RAB3C: variants seen among roughly 807,000 people sequenced by gnomAD.
RAB3C encodes the protein ras-related protein Rab-3C.
In RAB3C, 17 loss-of-function variants were observed where a neutral mutation model predicts 26.4. The observed-to-expected ratio is 0.64, with a 90% CI of 0.44 to 0.97. The LOEUF (loss-of-function observed/expected upper bound fraction) is 0.97, where lower values mean the gene tolerates loss of function less well. Among genes scored for constraint, RAB3C ranks in the 50% least tolerant of loss-of-function variants. The pLI is 0.00. For synonymous variants in RAB3C, 91 were observed against 95.9 expected (o/e 0.95, Z 0.30); for missense variants, 242 against 281.9 (o/e 0.86, Z 1.01).
chr5:58,630,809 A>G (rs1747172224), intron 2 of RAB3C, among the ~76,000 whole-genome samples: 1 of 152,240 alleles, frequency 6.6e-6, no homozygotes, highest in African/African-American at 2.4e-5. Flanking sequence ...CATATAAATC[A>G]TTAATAATAT....
intron 3 of RAB3C, among the ~76,000 whole-genome samples, chr5:58,766,659 T>C (rs1741913107): frequency 6.6e-6 from 1 of 152,110 alleles, no homozygotes; most frequent in African/African-American, 2.4e-5. Flanking sequence ...ATGACTATGT[T>C]AGTGAAGCTC....
chr5:58,597,738 C>T (rs115028177), intron 1 of RAB3C, among the ~76,000 whole-genome samples: 16,062 of 43,628 alleles, frequency 0.37, 3,460 homozygotes, highest in Middle Eastern at 0.44. Flanking sequence ...AAGTATATAA[C>T]ATATAATACA....
intron 3 of RAB3C, among the ~76,000 whole-genome samples, chr5:58,809,041 C>A (rs1743010278): frequency 6.6e-6 from 1 of 152,180 alleles, no homozygotes; most frequent in Non-Finnish European, 1.5e-5. Context: ...AAATAACATT[C>A]TAGCATAAGC....
chr5:58,732,487 A>G (rs1741048351), intron 3 of RAB3C, among the ~76,000 whole-genome samples: 1 of 152,158 alleles, frequency 6.6e-6, no homozygotes. Flanking sequence ...TAAAAAGGCC[A>G]TGACTTTAGA....
chr5:58,716,976 A>G (rs996541484), intron 2 of RAB3C, among the ~76,000 whole-genome samples: 1 of 151,968 alleles, frequency 6.6e-6, no homozygotes, highest in South Asian at 2.1e-4. Flanking sequence ...GGTGATAATG[A>G]TGTGTTACTG....
At chr5:58,766,795 C>G (rs949497339) in intron 3 of RAB3C, among the ~76,000 whole-genome samples, 6 of 152,156 alleles carry the variant, frequency 3.9e-5, no homozygotes, top group African/African-American at 1.4e-4. Flanking sequence ...CAAGAAATAC[C>G]TGTTAGGGTT....
intron 2 of RAB3C, among the ~76,000 whole-genome samples, chr5:58,722,247 G>T (rs944133628): frequency 6.6e-6 from 1 of 151,780 alleles, no homozygotes; most frequent in Non-Finnish European, 1.5e-5. Flanking sequence ...CAGTGTCTGT[G>T]CTGAAAACAT....
chr5:58,657,034 AG>A (rs1323558872), intron 2 of RAB3C, among the ~76,000 whole-genome samples: 1 of 152,256 alleles, frequency 6.6e-6, no homozygotes, highest in African/African-American at 2.4e-5. Flanking sequence ...TATATTTATA[AG>A]ATGGAATACT....
intron 2 of RAB3C, among the ~76,000 whole-genome samples, chr5:58,626,631 G>A (rs936308471): frequency 1.3e-5 from 2 of 152,044 alleles, no homozygotes; most frequent in Non-Finnish European, 2.9e-5. Flanking sequence ...CTGTAAACTG[G>A]GGACAATAAT....
intron 1 of RAB3C, among the ~76,000 whole-genome samples, chr5:58,608,118 A>G (rs1351735146): frequency 1.3e-5 from 2 of 152,228 alleles, no homozygotes; most frequent in Non-Finnish European, 2.9e-5. Flanking sequence ...AAATACCCCA[A>G]TTAAAAGACA....
intron 2 of RAB3C, among the ~76,000 whole-genome samples, chr5:58,710,675 G>A (rs939386836): frequency 3.3e-5 from 5 of 151,518 alleles, no homozygotes; most frequent in South Asian, 2.1e-4. Context: ...CTTTTCCAAC[G>A]TTGACACCCT....
At position 58,857,340 on chromosome 5, in the gene RAB3C, A is replaced by T. The variant is rs1295493602; in HGVS notation, c.*5989A>T. The stretch of plus-strand genomic sequence containing the variant: ...ATTTAGTATCTGGAAATATGTGTCA[A>T]TTTTATCTCTTAGAATTGTGGATTT... On this transcript the variant is annotated 3_prime_UTR_variant, in exon 5 of 5. Transcript: ENST00000282878. 6.6e-6 allele frequency: 1 copy of T among 152,136 alleles called. No individual in the cohort carries two copies. The highest frequency in any genetic ancestry group is 2.4e-5 in the African/African-American group (1 of 41,422). 9.4% of individuals were successfully genotyped at this position (152,136 alleles called of 1,614,324 possible).
At chr5:58,843,057 A>C (rs1442517738) in intron 4 of RAB3C, among the ~76,000 whole-genome samples, 1 of 152,212 alleles carries the variant, frequency 6.6e-6, no homozygotes, top group Non-Finnish European at 1.5e-5. Flanking sequence ...TGTGTGACTC[A>C]ACCATTTTCG....
At chr5:58,733,150 A>C (rs1231280059) in intron 3 of RAB3C, among the ~76,000 whole-genome samples, 2 of 152,144 alleles carry the variant, frequency 1.3e-5, no homozygotes, top group South Asian at 4.1e-4. Context: ...TAGTCTGTTT[A>C]TCTTCCCCAC....
rs1746733462 is a variant in RAB3C, at chr5:58,612,532, A to ATATATATATATG, written c.25-5100_25-5099insGTATATATATAT. Among the ~76,000 whole-genome samples, 5 of 87,184 alleles carry ATATATATATATG rather than the reference A, an allele frequency of 5.7e-5. 1 individual carries two copies. Among genetic ancestry groups the ATATATATATATG allele is most frequent in the African/African-American group, 2.1e-4 (5 of 23,384 alleles). The allele number at this position is 87,184 out of a possible 152,430, so 57.2% of individuals were successfully genotyped here. On this transcript the variant is annotated intron_variant, in intron 1 of 4. Transcript: ENST00000282878. The stretch of plus-strand genomic sequence containing the variant: ...TGTGTGTGTGTGTGTATATATATAT[A>ATATATATATATG]TATATATATATATATGTATATATAT...
chr5:58,826,735 C>A (rs12521896), intron 4 of RAB3C, among the ~76,000 whole-genome samples: 2 of 152,168 alleles, frequency 1.3e-5, no homozygotes, highest in Non-Finnish European at 2.9e-5. Flanking sequence ...TCCCAACCCA[C>A]TAAGTTGATC....
intron 2 of RAB3C, among the ~76,000 whole-genome samples, chr5:58,687,431 A>G (rs72760286): frequency 6.4e-4 from 98 of 152,244 alleles, no homozygotes; most frequent in African/African-American, 2.3e-3. Context: ...GAATAGGGCT[A>G]AAAATGAAGG....
intron 3 of RAB3C, among the ~76,000 whole-genome samples, chr5:58,809,548 G>A (rs1300460864): frequency 1.3e-5 from 2 of 152,184 alleles, no homozygotes; most frequent in African/African-American, 2.4e-5. Context: ...TACTGGCCTT[G>A]AAACTTGAAA....
rs1200041944 is a variant in RAB3C, at chr5:58,797,354, ATATGT to A, written c.372-27683_372-27679del. On this transcript the variant is annotated intron_variant, in intron 3 of 4. Transcript: ENST00000282878. ...CCCTGGAAGACAAAAAAAAAAAAAA[ATATGT>A]ATATATATAATATATATATATATAT... 7.5e-3 allele frequency among the ~76,000 whole-genome samples: 438 copies of A among 58,070 alleles called. 15 individuals are homozygous for A. The highest frequency in any genetic ancestry group is 0.014 in the East Asian group (31 of 2,194). The allele number at this position is 58,070 out of a possible 152,430, so 38.1% of individuals were successfully genotyped here. A position where few individuals can be genotyped will look rare whatever the true frequency, so the allele number is the denominator to read the frequency against.
Sources: gnomAD v4.1 joint callset for allele counts (sites outside exome capture counted in the v4.1 genomes callset) on GRCh38, gnomAD v4.1.1 for gene constraint, MANE v1.5 for transcripts, NCBI Gene and HGNC (gene_info 2026-07-23, HGNC 2026-07-21) for gene names.